The following PCBP3 variants were observed in gnomAD, a reference collection of about 807,000 sequenced individuals.
PCBP3 encodes poly(rC) binding protein 3.
A neutral mutation model predicts 52.7 loss-of-function variants in PCBP3; 25 were observed. That is an observed-to-expected ratio of 0.47 (90% CI 0.35 to 0.66). PCBP3 has a LOEUF of 0.66. Among genes scored for constraint, PCBP3 ranks in the 30% least tolerant of loss-of-function variants. PCBP3 has a pLI of 0.01. For missense variants in PCBP3, 391 were observed against 490.3 expected, an observed-to-expected ratio of 0.80 and a Z score of 1.91; for synonymous variants, 162 against 183.0, an observed-to-expected ratio of 0.89 and a Z score of 0.93.
rs531974497 is a variant in PCBP3 at position 45,866,187 on chromosome 21, C to T, written c.10+16092C>T. On this transcript the variant is annotated intron_variant, in intron 5 of 17. Transcript: ENST00000681687. ...CTGGATCTGTAAATTCTCAGCTTTC[C>T]TCCCCACCAGACTATGTCAGAAGCA... Among the ~76,000 whole-genome samples the T allele has an allele frequency of 1.1e-4, 16 of 152,366 alleles. No individual in the cohort carries two copies. The South Asian group carries it at 3.3e-3, about 32-fold the overall frequency.
Position 45,715,409 on chromosome 21 carries a change from G to C in PCBP3, c.-199-19983G>C, listed in dbSNP as rs1018342627. Among the ~76,000 whole-genome samples, 7 of 152,182 alleles carry C rather than the reference G, an allele frequency of 4.6e-5. 1 individual carries two copies. Among genetic ancestry groups the C allele is most frequent in the Admixed American group, 1.3e-4 (2 of 15,280 alleles). ...AATCTACCCATTAAAGCGTACAAGT[G>C]AGTAGTTTTTGGTATTAATATATTT... On this transcript the variant is annotated intron_variant, in intron 2 of 17. Transcript: ENST00000681687.
rs997270355 is a variant in PCBP3 at position 45,736,727 on chromosome 21, CTTTG to C, written c.-162+1305_-162+1308del. 1.4e-4 allele frequency among the ~76,000 whole-genome samples: 21 copies of C among 152,194 alleles called. No homozygotes were observed. Among genetic ancestry groups the C allele is most frequent in the Non-Finnish European group, 4.4e-5 (3 of 68,030 alleles). On this transcript the variant is annotated intron_variant, in intron 3 of 17. Coordinates refer to ENST00000681687, the MANE Select transcript of PCBP3 (RefSeq NM_001384156.1). The surrounding 1 kb of genome is among the most constrained non-coding windows in gnomAD (Gnocchi z 4.6). ...TACTAACAAATTACTTGAACAAAGA[CTTTG>C]TTTGTTCCTTCATTCGTTCAGCACA... is the stretch of plus-strand genomic sequence containing the variant.
intron 12 of PCBP3, chr21:45,915,939 C>G (rs909896379): frequency 1.3e-5 from 2 of 152,292 alleles, no homozygotes; most frequent in Non-Finnish European, 2.9e-5. Context: ...AGAGAGCTAA[C>G]CTGGAGGGCC....
chr21:45,889,075 G>A (rs1215669746), intron 5 of PCBP3, among the ~76,000 whole-genome samples: 1 of 152,192 alleles, frequency 6.6e-6, no homozygotes, highest in Admixed American at 6.5e-5. Flanking sequence ...GGAATCTTTC[G>A]TTCTGGCCCG....
At chr21:45,673,782 G>T (rs2081309919) in intron 2 of PCBP3, 1 of 152,196 alleles carries the variant, frequency 6.6e-6, no homozygotes, top group Admixed American at 6.5e-5. Flanking sequence ...GAGGCCATGT[G>T]TTTCTACTAT....
intron 2 of PCBP3, among the ~76,000 whole-genome samples, chr21:45,714,736 C>G (rs935193622): frequency 6.6e-6 from 1 of 152,190 alleles, no homozygotes; most frequent in African/African-American, 2.4e-5. Flanking sequence ...ATCAGCTTGG[C>G]AGGCATGAAG....
At position 45,769,659 on chromosome 21, in the gene PCBP3, C is replaced by A. The variant is rs1428667280; in HGVS notation, c.-126+14207C>A. Among the ~76,000 whole-genome samples the A allele has an allele frequency of 2.0e-5, 3 of 152,362 alleles. No individual in the cohort carries two copies. The East Asian group carries it at 5.8e-4, about 29-fold the overall frequency. On this transcript the variant is annotated intron_variant, in intron 4 of 17. Transcript: ENST00000681687. ...GCAGGCCAGCCTGCCTCTGCCCCAC[C>A]CATGGTTGCAGGTTCTCTCTGGGGT...
At chr21:45,915,832 A>G (rs1190422478) in intron 12 of PCBP3, 2 of 152,398 alleles carry the variant, frequency 1.3e-5, no homozygotes, top group Non-Finnish European at 2.9e-5. Flanking sequence ...ATGCAAACCC[A>G]GAAGTGTGGG....
Position 45,853,927 on chromosome 21 carries a change from G to A in PCBP3, c.10+3832G>A, listed in dbSNP as rs555624514. 6.6e-6 allele frequency: 1 copy of A among 152,282 alleles called. No homozygotes were observed. The highest frequency in any genetic ancestry group is 1.9e-4 in the East Asian group (1 of 5,170). The allele number at this position is 152,282 out of a possible 1,614,324, so 9.4% of individuals were successfully genotyped here. ...GGGGCAGGAGCCGCTCCCAGGAAGCGGTGGTGCCGACGTGTCATAAACTGA... is the reference window on the plus strand; with the variant it reads ...GGGGCAGGAGCCGCTCCCAGGAAGCAGTGGTGCCGACGTGTCATAAACTGA... On this transcript the variant is annotated intron_variant, in intron 5 of 17. Transcript: ENST00000681687. This position sits in a 1 kb window ranked among gnomAD's most constrained non-coding sequence, Gnocchi z 4.6.
intron 5 of PCBP3, among the ~76,000 whole-genome samples, chr21:45,861,670 C>G (rs55856400): frequency 2.0e-5 from 3 of 152,234 alleles, no homozygotes; most frequent in East Asian, 3.9e-4. Context: ...CAGACCGCAC[C>G]GAGGGCAGAG....
intron 12 of PCBP3, chr21:45,915,315 G>A (rs1483508938): frequency 6.6e-6 from 1 of 152,252 alleles, no homozygotes; most frequent in African/African-American, 2.4e-5. Flanking sequence ...AGGTCACAGG[G>A]TCACACGGAG....
intron 4 of PCBP3, among the ~76,000 whole-genome samples, chr21:45,822,165 C>G (rs982604843): frequency 4.6e-5 from 7 of 152,118 alleles, no homozygotes; most frequent in Non-Finnish European, 1.0e-4. Context: ...CTCGTTTGAC[C>G]CTTTTGAAGG....
intron 16 of PCBP3, among the ~76,000 whole-genome samples, chr21:45,936,000 T>C (rs1408159400): frequency 6.6e-6 from 1 of 152,228 alleles, no homozygotes; most frequent in Non-Finnish European, 1.5e-5. Context: ...GCAGAGTCCC[T>C]GTGTGGGCTG....
chr21:45,871,886 G>A (rs546393809), intron 5 of PCBP3: 1 of 152,374 alleles, frequency 6.6e-6, no homozygotes, highest in Admixed American at 6.5e-5. Flanking sequence ...TCCTGCTGCG[G>A]TGACAGTTCC....
At chr21:45,695,923 A>G (rs1259122949) in intron 2 of PCBP3, among the ~76,000 whole-genome samples, 3 of 151,942 alleles carry the variant, frequency 2.0e-5, no homozygotes, top group Non-Finnish European at 4.4e-5. Flanking sequence ...TACTAAAAAT[A>G]CAAAAATTAG....
At chr21:45,663,111 G>A (rs769817718) in intron 1 of PCBP3, among the ~76,000 whole-genome samples, 8 of 152,144 alleles carry the variant, frequency 5.3e-5, no homozygotes, top group Non-Finnish European at 1.0e-4. Flanking sequence ...AGCAAAATTA[G>A]TGAAAGTACT....
intron 4 of PCBP3, among the ~76,000 whole-genome samples, chr21:45,770,158 G>A (rs1437577927): frequency 6.6e-6 from 1 of 152,190 alleles, no homozygotes; most frequent in African/African-American, 2.4e-5. Flanking sequence ...CCTGAACTCC[G>A]CCGAAGGGGC....
At chr21:45,753,965 A>ATAATG (rs2087786950) in intron 3 of PCBP3, among the ~76,000 whole-genome samples, 1 of 152,194 alleles carries the variant, frequency 6.6e-6, no homozygotes, top group Non-Finnish European at 1.5e-5. Flanking sequence ...TTTACCACAG[A>ATAATG]TAATGCCTCT....
At chr21:45,738,961 C>T (rs1484752510) in intron 3 of PCBP3, among the ~76,000 whole-genome samples, 1 of 110,018 alleles carries the variant, frequency 9.1e-6, no homozygotes, top group African/African-American at 3.7e-5. Context: ...GTCCACGGTC[C>T]TCTGGGTAGC....
Sources: allele counts gnomAD v4.1 joint callset (sites outside exome capture counted in the v4.1 genomes callset), GRCh38; gene constraint gnomAD v4.1.1; non-coding constraint Gnocchi (gnomAD v3.1); transcripts MANE v1.5; gene names NCBI Gene and HGNC (gene_info 2026-07-23, HGNC 2026-07-21).